The following PJA2 variants were observed in gnomAD, a reference collection of about 807,000 sequenced individuals.
The protein encoded by PJA2 is praja ring finger ubiquitin ligase 2.
In PJA2, 25 loss-of-function variants were observed where a neutral mutation model predicts 69.3. That is an observed-to-expected ratio of 0.36 (90% CI 0.26 to 0.50). The LOEUF is 0.50. PJA2 is among the 20% of genes least tolerant of loss of function. PJA2 has a pLI of 0.96. For synonymous variants in PJA2, 308 were observed against 277.8 expected (o/e 1.11, Z -1.08); for missense variants, 809 against 830.2 (o/e 0.97, Z 0.31).
intron 4 of PJA2, among the ~76,000 whole-genome samples, chr5:109,376,620 A>G (rs1746893299): frequency 6.6e-6 from 1 of 152,130 alleles, no homozygotes; most frequent in Admixed American, 6.6e-5. Context: ...TAAAGAAGAA[A>G]AAGTGTAACT....
At chr5:109,407,763 A>G (rs1378986695) in intron 1 of PJA2, among the ~76,000 whole-genome samples, 2 of 152,276 alleles carry the variant, frequency 1.3e-5, no homozygotes, top group East Asian at 3.9e-4. Context: ...GAATCAAACC[A>G]TAAAATAGGA....
At position 109,362,851 on chromosome 5, in the gene PJA2, A is replaced by T. The variant is rs748854427; in HGVS notation, c.1641T>A (p.Asp547Glu). 9 of 1,607,634 alleles carry T rather than the reference A, an allele frequency of 5.6e-6. No homozygotes were observed. Reference sequence around the variant, plus strand: ...ATCGTGCTACATACCTCCAATCCACATCTAAGTCTTCACTCACACTGGAGT... The same window carrying T: ...ATCGTGCTACATACCTCCAATCCACTTCTAAGTCTTCACTCACACTGGAGT... ...EDDSSVSEDL[D>E]VDWSLFDGFA... The change falls in exon 6 of 10, where the codon GAT becomes GAA. Residue 547 changes from aspartate (D) to glutamate (E), a missense_variant. Coordinates refer to ENST00000361189, the MANE Select transcript of PJA2 (RefSeq NM_014819.5).
At chr5:109,393,541 G>C (rs534052732) in intron 1 of PJA2, among the ~76,000 whole-genome samples, 1 of 151,576 alleles carries the variant, frequency 6.6e-6, no homozygotes, top group Admixed American at 6.6e-5. Context: ...AGGCTGTTGA[G>C]GGTGACTGCC....
chr5:109,351,802 GAAAC>G lies in PJA2; in HGVS notation c.1764+4109_1764+4112del, dbSNP rs371425251. Among the ~76,000 whole-genome samples, 28 of 152,038 alleles carry G rather than the reference GAAAC, an allele frequency of 1.8e-4. 1 individual carries two copies. In the East Asian group the frequency reaches 3.1e-3, roughly 17 times the overall value. Reference sequence around the variant, plus strand: ...TCCAAAAAGTTATAGGGCTGCTTGAGAAACAAACAAACAAAAACAAGCAGTTTGT... The same window carrying G: ...TCCAAAAAGTTATAGGGCTGCTTGAGAAACAAACAAAAACAAGCAGTTTGT... On this transcript the variant is annotated intron_variant, in intron 7 of 9. Coordinates refer to ENST00000361189, the MANE Select transcript of PJA2 (RefSeq NM_014819.5).
intron 9 of PJA2, 74 bp from the exon 10 acceptor site, chr5:109,337,430 A>G (rs1442181445): frequency 6.8e-7 from 1 of 1,474,684 alleles, no homozygotes; most frequent in East Asian, 2.5e-5. Context: ...TAAAGAAAAA[A>G]CAGTGTCATT....
chr5:109,392,856 T>C (rs1747314259), intron 1 of PJA2, among the ~76,000 whole-genome samples: 1 of 152,066 alleles, frequency 6.6e-6, no homozygotes, highest in African/African-American at 2.4e-5. Flanking sequence ...CAAAACTCAA[T>C]TCCAAAAGCA....
chr5:109,388,362 T>G (rs1451809980), intron 1 of PJA2, among the ~76,000 whole-genome samples: 1 of 152,164 alleles, frequency 6.6e-6, no homozygotes, highest in Non-Finnish European at 1.5e-5. Context: ...TACATTTGAC[T>G]GCAACCTCTT....
At chr5:109,369,670 T>C (rs185048739) in intron 4 of PJA2, among the ~76,000 whole-genome samples, 63 of 152,312 alleles carry the variant, frequency 4.1e-4, no homozygotes, top group African/African-American at 1.4e-3. Context: ...AGAAGTGACA[T>C]TCAAATGCAT....
intron 1 of PJA2, among the ~76,000 whole-genome samples, chr5:109,388,189 A>G (rs1747201453): frequency 2.0e-5 from 3 of 152,074 alleles, no homozygotes; most frequent in Admixed American, 6.6e-5. Flanking sequence ...CCACATCATG[A>G]TATCACTCAA....
chr5:109,354,539 T>C (rs950534211), intron 7 of PJA2, among the ~76,000 whole-genome samples: 1 of 132,036 alleles, frequency 7.6e-6, no homozygotes, highest in African/African-American at 3.0e-5. Context: ...ATAATATCTA[T>C]AGATATCTAT....
intron 1 of PJA2, among the ~76,000 whole-genome samples, chr5:109,396,176 T>C (rs910027964): frequency 2.0e-5 from 3 of 152,164 alleles, no homozygotes; most frequent in Admixed American, 6.5e-5. Flanking sequence ...AGACTCATCA[T>C]TAGATATGAT....
Position 109,378,803 on chromosome 5 carries a change from A to C in PJA2, c.684T>G (p.Asp228Glu), listed in dbSNP as rs763425702. 6.2e-7 allele frequency: 1 copy of C among 1,613,146 alleles called. No individual in the cohort carries two copies. The highest frequency in any genetic ancestry group is 1.7e-5 in the Admixed American group (1 of 60,010). The change falls in exon 4 of 10, where the codon GAT becomes GAG. Residue 228 changes from aspartate (D) to glutamate (E), a missense_variant. Physicochemically the swap from Asp to Glu is conservative, Grantham distance 45 (BLOSUM62 2). This residue lies in a region of PJA2 where 700 missense variants were observed against 639.5 expected (regional missense o/e 1.09). Transcript: ENST00000361189. ...PVPSFNCEVR[D>E]EFEELDSVPL... ...GTACAGAATCTAACTCTTCAAACTC[A>C]TCTCTTACTTCACAGTTAAATGAGG...
intron 5 of PJA2, among the ~76,000 whole-genome samples, chr5:109,366,800 T>C (rs1230654751): frequency 1.3e-5 from 2 of 152,204 alleles, no homozygotes; most frequent in East Asian, 3.8e-4. Flanking sequence ...AATTTATACT[T>C]AGTAAACTAA....
intron 7 of PJA2, among the ~76,000 whole-genome samples, chr5:109,345,394 A>G (rs1398806383): frequency 6.6e-6 from 1 of 150,514 alleles, no homozygotes; most frequent in Non-Finnish European, 1.5e-5. Flanking sequence ...GTGTGTGCCT[A>G]TAATCCCAGC....
intron 6 of PJA2, among the ~76,000 whole-genome samples, chr5:109,356,327 A>G (rs1214374058): frequency 1.3e-5 from 2 of 152,204 alleles, no homozygotes; most frequent in Admixed American, 6.5e-5. Flanking sequence ...GAGACTGCTT[A>G]AAGGTACAGG....
intron 6 of PJA2, among the ~76,000 whole-genome samples, chr5:109,357,915 C>G (rs777662245): frequency 1.3e-5 from 2 of 152,226 alleles, no homozygotes; most frequent in African/African-American, 4.8e-5. Context: ...CAAATCTAGA[C>G]ACTCAAAGCA....
Position 109,383,504 on chromosome 5 carries a change from C to G in PJA2, c.-71G>C. ...ATTTAGTTTTTATTCACACTATGGA[C>G]AAGCCGCAGAAGATTCCTACAAAGA... On this transcript the variant is annotated 5_prime_UTR_variant, in exon 2 of 10. Coordinates refer to ENST00000361189, the MANE Select transcript of PJA2 (RefSeq NM_014819.5). The G allele has an allele frequency of 7.9e-7, 1 of 1,272,246 alleles. No individual in the cohort carries two copies. Among genetic ancestry groups the G allele is most frequent in the Non-Finnish European group, 1.1e-6 (1 of 889,604 alleles). The allele number at this position is 1,272,246 out of a possible 1,614,324, so 78.8% of individuals were successfully genotyped here.
At chr5:109,382,974 C>T (rs926852361) in intron 2 of PJA2, among the ~76,000 whole-genome samples, 4 of 152,016 alleles carry the variant, frequency 2.6e-5, no homozygotes, top group African/African-American at 4.8e-5. Flanking sequence ...ATAATACACG[C>T]ACATATCGAG....
intron 9 of PJA2, among the ~76,000 whole-genome samples, chr5:109,342,560 T>A (rs1762092643): frequency 4.4e-5 from 4 of 90,518 alleles, no homozygotes; most frequent in African/African-American, 1.9e-4. Flanking sequence ...AGCCGCCCCG[T>A]CCGGGAGGTG....
Sources: gnomAD v4.1 joint callset for allele counts (sites outside exome capture counted in the v4.1 genomes callset) on GRCh38, gnomAD v4.1.1 for gene constraint, gnomAD v4.1.1 regional missense constraint, MANE v1.5 for transcripts, NCBI Gene and HGNC (gene_info 2026-07-23, HGNC 2026-07-21) for gene names.